The following DSCAM variants were observed in gnomAD, a reference collection of about 807,000 sequenced individuals.
The protein encoded by DSCAM is cell adhesion molecule DSCAM.
A neutral mutation model predicts 217.7 loss-of-function variants in DSCAM; 47 were observed. That is an observed-to-expected ratio of 0.22 (90% CI 0.17 to 0.28). The LOEUF (loss-of-function observed/expected upper bound fraction) is 0.28, where lower values mean the gene tolerates loss of function less well. Among genes scored for constraint, DSCAM ranks in the 10% least tolerant of loss-of-function variants. DSCAM has a pLI of 1.00. For synonymous variants in DSCAM, 1,056 were observed against 1,015.3 expected (o/e 1.04, Z -0.76); for missense variants, 2,080 against 2,618.3 (o/e 0.79, Z 4.49).
intron 16 of DSCAM, among the ~76,000 whole-genome samples, chr21:40,155,878 T>C (rs1043078709): frequency 6.6e-6 from 1 of 151,670 alleles, no homozygotes; most frequent in Admixed American, 6.6e-5. Context: ...AGAAGAATCT[T>C]CCTTGGAACG....
chr21:40,496,013 G>T (rs532384533), intron 3 of DSCAM, among the ~76,000 whole-genome samples: 1 of 152,042 alleles, frequency 6.6e-6, no homozygotes, highest in East Asian at 1.9e-4. Context: ...CTACGACATT[G>T]TTAAAAGAAA....
chr21:40,095,854 CA>C (rs2089669091), intron 20 of DSCAM, among the ~76,000 whole-genome samples: 1 of 151,904 alleles, frequency 6.6e-6, no homozygotes. Flanking sequence ...TGTATATGTT[CA>C]AAAATTTAAG....
In DSCAM at chr21:40,339,301, A is replaced by G. The variant is rs2123592142; in HGVS notation, c.1325T>C (p.Leu442Pro). 1 of 1,614,192 alleles carries G rather than the reference A, an allele frequency of 6.2e-7. No homozygotes were observed. ...GTPLPTITWTLDDDPILKGGS... is the reference protein window; with the variant it reads ...GTPLPTITWTPDDDPILKGGS... ...ACCCTTGAGAATCGGGTCATCGTCC[A>G]GGGTCCACGTGATCGTGGGCAAAGG... is the stretch of plus-strand genomic sequence containing the variant. The change falls in exon 7 of 33, where the codon CTG becomes CCG. Residue 442 changes from leucine to proline, a missense_variant. Physicochemically the swap from Leu to Pro is moderately conservative, Grantham distance 98. Coordinates refer to ENST00000400454, the MANE Select transcript of DSCAM (RefSeq NM_001389.5).
chr21:40,134,306 G>T (rs2146691927), intron 18 of DSCAM, among the ~76,000 whole-genome samples: 1 of 152,228 alleles, frequency 6.6e-6, no homozygotes, highest in Admixed American at 6.5e-5. Flanking sequence ...CAGCACCAGG[G>T]CTGCCACTCA....
chr21:40,522,164 G>A (rs2076364502), intron 3 of DSCAM, among the ~76,000 whole-genome samples: 1 of 152,162 alleles, frequency 6.6e-6, no homozygotes, highest in Non-Finnish European at 1.5e-5. Flanking sequence ...CCGTATTAAG[G>A]AGTGAGATAG....
At chr21:40,708,201 T>C (rs893235437) in intron 2 of DSCAM, among the ~76,000 whole-genome samples, 2 of 152,078 alleles carry the variant, frequency 1.3e-5, no homozygotes, top group Non-Finnish European at 2.9e-5. Context: ...TTAGACAAAA[T>C]ATAAGGAGGC....
Position 40,023,227 on chromosome 21 carries a change from G to A in DSCAM, c.5687-9841C>T, listed in dbSNP as rs533220822. Among the ~76,000 whole-genome samples, 19 of 152,132 alleles carry A rather than the reference G, an allele frequency of 1.2e-4. 1 individual carries two copies. In the South Asian group the frequency reaches 4.0e-3, roughly 32 times the overall value. ...TCATCATTTTTTATGGCTGCATAGT[G>A]TTCCATGGTGTATATGTGCCACATT... is the stretch of plus-strand genomic sequence containing the variant. On this transcript the variant is annotated intron_variant, in intron 32 of 32. Coordinates refer to ENST00000400454, the MANE Select transcript of DSCAM (RefSeq NM_001389.5).
intron 2 of DSCAM, among the ~76,000 whole-genome samples, chr21:40,703,133 G>T (rs542925108): frequency 2.0e-5 from 3 of 151,992 alleles, no homozygotes; most frequent in South Asian, 4.2e-4. Context: ...TTTTTCTTCT[G>T]ATTCTAGAAC....
At chr21:40,644,731 G>A (rs1601817876) in intron 3 of DSCAM, among the ~76,000 whole-genome samples, 1 of 152,162 alleles carries the variant, frequency 6.6e-6, no homozygotes. Flanking sequence ...TTTCACTTCA[G>A]TAAAGCTGGA....
intron 10 of DSCAM, among the ~76,000 whole-genome samples, chr21:40,281,808 A>G (rs941611786): frequency 9.2e-5 from 14 of 152,088 alleles, no homozygotes; most frequent in Admixed American, 8.5e-4. Flanking sequence ...TAAACAGCCC[A>G]TTTATCCCTT....
At chr21:40,839,525 C>G (rs1237285615) in intron 1 of DSCAM, among the ~76,000 whole-genome samples, 1 of 152,204 alleles carries the variant, frequency 6.6e-6, no homozygotes, top group Non-Finnish European at 1.5e-5. Context: ...ATATTGCCTT[C>G]TCATCCCCAG....
At chr21:40,377,356 A>C (rs1000089379) in intron 3 of DSCAM, among the ~76,000 whole-genome samples, 1 of 152,126 alleles carries the variant, frequency 6.6e-6, no homozygotes, top group African/African-American at 2.4e-5. Flanking sequence ...CCATGGCACA[A>C]GTGTGAGACG....
At chr21:40,842,465 G>A (rs557774873) in intron 1 of DSCAM, among the ~76,000 whole-genome samples, 2 of 152,232 alleles carry the variant, frequency 1.3e-5, no homozygotes, top group African/African-American at 2.4e-5. Flanking sequence ...CTAATTTTAC[G>A]AAACCTGGAT....
At chr21:40,158,775 T>C (rs994938049) in intron 16 of DSCAM, among the ~76,000 whole-genome samples, 3 of 152,262 alleles carry the variant, frequency 2.0e-5, no homozygotes, top group African/African-American at 7.2e-5. Context: ...TTATTTCTTA[T>C]ACATCTATAA....
chr21:40,014,383 CAAACAAAACA>C (rs146502815), intron 32 of DSCAM, among the ~76,000 whole-genome samples: 22 of 151,312 alleles, frequency 1.5e-4, no homozygotes, highest in East Asian at 5.8e-4. Context: ...GAGCAAGACT[CAAACAAAACA>C]AAACAAAACA....
At chr21:40,413,574 C>G (rs962351306) in intron 3 of DSCAM, among the ~76,000 whole-genome samples, 2 of 152,236 alleles carry the variant, frequency 1.3e-5, no homozygotes, top group Admixed American at 6.5e-5. Context: ...TCAATGCAAT[C>G]CCAATCATCA....
chr21:40,701,159 T>G (rs1411494509), intron 2 of DSCAM, among the ~76,000 whole-genome samples: 1 of 152,150 alleles, frequency 6.6e-6, no homozygotes, highest in Non-Finnish European at 1.5e-5. Context: ...TATAGGGCTA[T>G]TCAGTTTATC....
intron 32 of DSCAM, among the ~76,000 whole-genome samples, chr21:40,017,440 C>T (rs2088178547): frequency 6.6e-6 from 1 of 152,020 alleles, no homozygotes; most frequent in African/African-American, 2.4e-5. Flanking sequence ...ACTAAATGAC[C>T]CCAGCGACAC....
intron 3 of DSCAM, among the ~76,000 whole-genome samples, chr21:40,446,613 G>A (rs1230006866): frequency 2.6e-5 from 4 of 152,138 alleles, no homozygotes; most frequent in African/African-American, 9.7e-5. Flanking sequence ...TGTGTTTAGT[G>A]TGTGGTTTAC....
Sources: allele counts gnomAD v4.1 joint callset (sites outside exome capture counted in the v4.1 genomes callset), GRCh38; gene constraint gnomAD v4.1.1; transcripts MANE v1.5; gene names NCBI Gene and HGNC (gene_info 2026-07-23, HGNC 2026-07-21).